Variants in CDH13 observed in about 807,000 individuals in gnomAD.
CDH13 encodes cadherin-13.
CDH13 carries 24 observed loss-of-function variants against 63.8 expected under a neutral mutation model. That is an observed-to-expected ratio of 0.38 (90% CI 0.27 to 0.53). CDH13 has a LOEUF of 0.53. CDH13 is among the 20% of genes least tolerant of loss of function. The pLI is 0.85. For missense variants in CDH13, 1,049 were observed against 903.1 expected, an observed-to-expected ratio of 1.16 and a Z score of -2.07; for synonymous variants, 503 against 355.3, an observed-to-expected ratio of 1.42 and a Z score of -4.67.
intron 6 of CDH13, among the ~76,000 whole-genome samples, chr16:83,463,393 C>G (rs1011668890): frequency 1.5e-4 from 23 of 152,178 alleles, no homozygotes; most frequent in South Asian, 4.1e-4. Flanking sequence ...TCCATGTCAC[C>G]CTCTCTCTGG....
chr16:83,328,647 A>G (rs1328071221), intron 5 of CDH13, among the ~76,000 whole-genome samples: 1 of 152,120 alleles, frequency 6.6e-6, no homozygotes, highest in African/African-American at 2.4e-5. Context: ...ATGATGAGAG[A>G]TGGTCAGGTT....
At chr16:83,033,921 A>C (rs988134183) in intron 3 of CDH13, among the ~76,000 whole-genome samples, 12 of 151,670 alleles carry the variant, frequency 7.9e-5, no homozygotes, top group African/African-American at 2.9e-4. Context: ...CCCCTAATTC[A>C]CATCCCTTTT....
At chr16:83,557,436 T>C (rs1270852529) in intron 7 of CDH13, among the ~76,000 whole-genome samples, 1 of 152,200 alleles carries the variant, frequency 6.6e-6, no homozygotes, top group Non-Finnish European at 1.5e-5. Flanking sequence ...TGGTCCCTCA[T>C]GCTGAAAAGG....
chr16:83,749,633 A>C (rs1040680057), intron 11 of CDH13, among the ~76,000 whole-genome samples: 2 of 152,308 alleles, frequency 1.3e-5, no homozygotes, highest in African/African-American at 4.8e-5. Flanking sequence ...ACACGATGAA[A>C]TATCAGGTAG....
At chr16:83,098,695 T>G (rs2034326058) in intron 3 of CDH13, among the ~76,000 whole-genome samples, 1 of 152,242 alleles carries the variant, frequency 6.6e-6, no homozygotes, top group Non-Finnish European at 1.5e-5. Flanking sequence ...TCTTCTGACT[T>G]GCATTGTTGC....
Position 83,780,218 on chromosome 16 carries a change from C to G in CDH13, c.1915+17C>G, listed in dbSNP as rs761693246. On this transcript the variant is annotated intron_variant, in intron 12 of 13. Coordinates refer to ENST00000567109, the MANE Select transcript of CDH13 (RefSeq NM_001257.5). ...AGATCAACAGTAAGTCTGGCTAAAG[C>G]ATTTCTGCCTATTCTTCCAGCTTTC... 4.1e-6 allele frequency: 6 copies of G among 1,478,888 alleles called. No homozygotes were observed. The highest frequency in any genetic ancestry group is 4.7e-5 in the East Asian group (2 of 42,358). The allele number at this position is 1,478,888 out of a possible 1,614,324, so 91.6% of individuals were successfully genotyped here.
chr16:83,349,819 T>C (rs1451250197), intron 6 of CDH13, among the ~76,000 whole-genome samples: 2 of 152,132 alleles, frequency 1.3e-5, no homozygotes, highest in African/African-American at 4.8e-5. Context: ...CAGGCTGGTC[T>C]TGAACTCCTG....
At chr16:82,923,685 T>C (rs1290442746) in intron 2 of CDH13, among the ~76,000 whole-genome samples, 7 of 152,328 alleles carry the variant, frequency 4.6e-5, no homozygotes, top group Non-Finnish European at 1.5e-5. Flanking sequence ...GTGAGATAAA[T>C]CATATGAAAC....
intron 7 of CDH13, among the ~76,000 whole-genome samples, chr16:83,546,333 G>A (rs930878321): frequency 6.6e-6 from 1 of 152,012 alleles, no homozygotes; most frequent in Non-Finnish European, 1.5e-5. Flanking sequence ...CATAGCAGCA[G>A]ATAGCCACAG....
intron 4 of CDH13, among the ~76,000 whole-genome samples, chr16:83,213,410 C>G (rs907138813): frequency 6.6e-6 from 1 of 152,074 alleles, no homozygotes; most frequent in African/African-American, 2.4e-5. Flanking sequence ...AGGCCCATTC[C>G]CCCACCCCCT....
At chr16:82,704,621 A>C in intron 1 of CDH13, among the ~76,000 whole-genome samples, 1 of 152,282 alleles carries the variant, frequency 6.6e-6, no homozygotes, top group East Asian at 1.9e-4. Flanking sequence ...AGAGGCAGGC[A>C]CACCTGGGGT....
intron 8 of CDH13, among the ~76,000 whole-genome samples, chr16:83,633,460 C>G (rs1330281177): frequency 6.6e-6 from 1 of 152,246 alleles, no homozygotes; most frequent in Non-Finnish European, 1.5e-5. Flanking sequence ...TCACCGCTTT[C>G]TAACAGTCTT....
intron 4 of CDH13, among the ~76,000 whole-genome samples, chr16:83,207,642 C>G (rs1295536036): frequency 1.3e-5 from 2 of 151,658 alleles, no homozygotes; most frequent in Non-Finnish European, 2.9e-5. Flanking sequence ...TTGCACCTGG[C>G]CAATAATAAG....
chr16:83,348,583 G>A lies in CDH13; in HGVS notation c.781+3577G>A, dbSNP rs942459908. On this transcript the variant is annotated intron_variant, in intron 6 of 13. Coordinates refer to ENST00000567109, the MANE Select transcript of CDH13 (RefSeq NM_001257.5). ...CACCATGTTGAAATTCTTAATAATT[G>A]TTGAACAAGGTGTCTGCATTTTCAT... is the stretch of plus-strand genomic sequence containing the variant. Among the ~76,000 whole-genome samples, 3 of 152,300 alleles carry A rather than the reference G, an allele frequency of 2.0e-5. No homozygotes were observed. In the East Asian group the frequency reaches 5.8e-4, roughly 29 times the overall value.
chr16:82,647,221 G>A (rs140981545), intron 1 of CDH13, among the ~76,000 whole-genome samples: 17 of 152,310 alleles, frequency 1.1e-4, no homozygotes, highest in African/African-American at 3.4e-4. Flanking sequence ...AGAGAACCTT[G>A]TAAACACTTG....
At chr16:83,500,657 C>G (rs2151586013) in intron 7 of CDH13, among the ~76,000 whole-genome samples, 1 of 142,726 alleles carries the variant, frequency 7.0e-6, no homozygotes, top group East Asian at 2.1e-4. Context: ...ACCACAACCT[C>G]AGACTCCTGG....
At chr16:82,973,922 T>A (rs1909132983) in intron 2 of CDH13, among the ~76,000 whole-genome samples, 2 of 152,112 alleles carry the variant, frequency 1.3e-5, no homozygotes, top group South Asian at 2.1e-4. Context: ...CTAAGCATTT[T>A]TGGTTTTTGG....
intron 8 of CDH13, among the ~76,000 whole-genome samples, chr16:83,656,132 C>G (rs1363926525): frequency 6.6e-6 from 1 of 152,124 alleles, no homozygotes; most frequent in African/African-American, 2.4e-5. Flanking sequence ...AGTCTGTTTT[C>G]TGTCTGTCTG....
chr16:83,185,035 A>G (rs905897488), intron 4 of CDH13, among the ~76,000 whole-genome samples: 6 of 151,816 alleles, frequency 4.0e-5, no homozygotes, highest in Non-Finnish European at 8.8e-5. Flanking sequence ...TGATATACCT[A>G]TCTATATATT....
Sources: allele counts gnomAD v4.1 joint callset (sites outside exome capture counted in the v4.1 genomes callset), GRCh38; gene constraint gnomAD v4.1.1; transcripts MANE v1.5; gene names NCBI Gene and HGNC (gene_info 2026-07-23, HGNC 2026-07-21).